Variants in SEM1 observed in about 807,000 individuals in gnomAD.
SEM1 encodes the protein SEM1 26S proteasome subunit.
Under a neutral mutation model 12.7 loss-of-function variants are expected in SEM1, and 3 were observed. That is an observed-to-expected ratio of 0.24 (90% CI 0.11 to 0.61). The LOEUF is 0.61. Among genes scored for constraint, SEM1 ranks in the 20% least tolerant of loss-of-function variants. SEM1 has a pLI of 0.88. For missense variants in SEM1, 59 were observed against 81.3 expected, an observed-to-expected ratio of 0.73 and a Z score of 1.06; for synonymous variants, 30 against 27.8, an observed-to-expected ratio of 1.08 and a Z score of -0.25.
intron 2 of SEM1, among the ~76,000 whole-genome samples, chr7:96,652,886 C>T (rs187249673): frequency 1.9e-4 from 29 of 152,226 alleles, no homozygotes; most frequent in Admixed American, 3.9e-4. Flanking sequence ...TTTGACAGAA[C>T]CATTAATGTT....
chr7:96,556,126 G>C (rs1805488726), intron 2 of SEM1, among the ~76,000 whole-genome samples: 1 of 151,998 alleles, frequency 6.6e-6, no homozygotes, highest in Admixed American at 6.5e-5. Flanking sequence ...CACACTGATG[G>C]GTCTTGACTC....
At chr7:96,526,724 C>G (rs1584738096) in intron 2 of SEM1, among the ~76,000 whole-genome samples, 1 of 152,054 alleles carries the variant, frequency 6.6e-6, no homozygotes, top group African/African-American at 2.4e-5. Flanking sequence ...CTCCCCCAAG[C>G]CCTCCCCTCT....
At chr7:96,693,025 A>T (rs998607867) in intron 2 of SEM1, among the ~76,000 whole-genome samples, 1 of 152,040 alleles carries the variant, frequency 6.6e-6, no homozygotes, top group Non-Finnish European at 1.5e-5. Context: ...TATTTCTAAA[A>T]ATGAGAAAAA....
At chr7:96,570,001 C>A (rs1333364778) in intron 2 of SEM1, among the ~76,000 whole-genome samples, 1 of 151,878 alleles carries the variant, frequency 6.6e-6, no homozygotes, top group Non-Finnish European at 1.5e-5. Context: ...AGTGCAGGTA[C>A]CTTTTTGATA....
intron 2 of SEM1, among the ~76,000 whole-genome samples, chr7:96,547,337 GC>G (rs1475898302): frequency 6.6e-6 from 1 of 152,132 alleles, no homozygotes; most frequent in Non-Finnish European, 1.5e-5. Context: ...GGGGTTGTAA[GC>G]TTTGATTATG....
chr7:96,565,375 A>G (rs568599150), intron 2 of SEM1, among the ~76,000 whole-genome samples: 4 of 152,044 alleles, frequency 2.6e-5, no homozygotes, highest in African/African-American at 7.2e-5. Flanking sequence ...GTATTGCACT[A>G]TAAGTTGTAA....
At chr7:96,634,679 A>G (rs1035273720) in intron 2 of SEM1, among the ~76,000 whole-genome samples, 1 of 151,492 alleles carries the variant, frequency 6.6e-6, no homozygotes, top group Admixed American at 6.6e-5. Flanking sequence ...GTGACATTTA[A>G]TCTGATAAGT....
At chr7:96,495,401 T>C (rs1205478440) in intron 1 of SEM1, among the ~76,000 whole-genome samples, 2 of 152,220 alleles carry the variant, frequency 1.3e-5, no homozygotes, top group Non-Finnish European at 2.9e-5. Context: ...GATACTCTTC[T>C]AATTCCTGTT....
At chr7:96,633,717 T>A (rs909615424) in intron 2 of SEM1, among the ~76,000 whole-genome samples, 2 of 152,100 alleles carry the variant, frequency 1.3e-5, no homozygotes, top group Admixed American at 1.3e-4. Context: ...CTAGAGGCAT[T>A]TATATAAAAG....
At chr7:96,651,416 A>T (rs1438645534) in intron 2 of SEM1, among the ~76,000 whole-genome samples, 1 of 133,386 alleles carries the variant, frequency 7.5e-6, no homozygotes, top group Non-Finnish European at 1.6e-5. Flanking sequence ...CGTTAGGTAG[A>T]CTCAAGAAAA....
At chr7:96,599,493 A>G (rs2116181807) in intron 2 of SEM1, among the ~76,000 whole-genome samples, 2 of 152,218 alleles carry the variant, frequency 1.3e-5, no homozygotes, top group Middle Eastern at 3.4e-3. Context: ...ATACCTAACA[A>G]ATATTTGCTG....
At chr7:96,579,628 G>A (rs556082634) in intron 2 of SEM1, among the ~76,000 whole-genome samples, 46 of 152,238 alleles carry the variant, frequency 3.0e-4, no homozygotes, top group African/African-American at 1.1e-3. Flanking sequence ...GAAAATTGAA[G>A]TATAATTACT....
At chr7:96,661,380 A>G (rs923510317) in intron 2 of SEM1, among the ~76,000 whole-genome samples, 2 of 152,212 alleles carry the variant, frequency 1.3e-5, no homozygotes, top group African/African-American at 4.8e-5. Flanking sequence ...AATTCAGTGC[A>G]ATTTCAATCA....
intron 2 of SEM1, among the ~76,000 whole-genome samples, chr7:96,581,611 T>G (rs1318463207): frequency 6.6e-6 from 1 of 152,220 alleles, no homozygotes; most frequent in African/African-American, 2.4e-5. Context: ...GAGCATGGAA[T>G]GTTCTTCCAT....
chr7:96,561,942 T>G (rs1347539512), intron 2 of SEM1, among the ~76,000 whole-genome samples: 1 of 152,196 alleles, frequency 6.6e-6, no homozygotes, highest in Admixed American at 6.5e-5. Context: ...TATTATGCAC[T>G]AAAAGGGATA....
intron 2 of SEM1, among the ~76,000 whole-genome samples, chr7:96,598,134 G>A (rs560392024): frequency 1.3e-3 from 201 of 152,184 alleles, no homozygotes; most frequent in African/African-American, 4.7e-3. Flanking sequence ...AAAATATGCT[G>A]AGCCAAACTA....
At position 96,629,365 on chromosome 7, in the gene SEM1, AT is replaced by A. The variant is rs373092795; in HGVS notation, c.171-6723del. 4.7e-4 allele frequency among the ~76,000 whole-genome samples: 71 copies of A among 151,554 alleles called. 1 individual carries two copies. Among genetic ancestry groups the A allele is most frequent in the African/African-American group, 1.6e-3 (67 of 41,326 alleles). ...TTGTGGTTGTTTCCTCTAACTTTGT[AT>A]TTTCAAATACTCTATCTTCAAGCTC... On this transcript the variant is annotated intron_variant, in intron 2 of 2. Coordinates refer to the SEM1 transcript ENST00000417009.
intron 2 of SEM1, among the ~76,000 whole-genome samples, chr7:96,558,809 A>G (rs927987094): frequency 2.0e-5 from 3 of 152,226 alleles, no homozygotes; most frequent in African/African-American, 7.2e-5. Flanking sequence ...AATGAAAAAC[A>G]TTTCATCAGG....
At chr7:96,520,915 T>A (rs1373031974) in intron 2 of SEM1, among the ~76,000 whole-genome samples, 3 of 152,032 alleles carry the variant, frequency 2.0e-5, no homozygotes, top group Non-Finnish European at 4.4e-5. Flanking sequence ...CTTGCTTTTC[T>A]CCTCCATGGC....
Sources: gnomAD v4.1 joint callset for allele counts (sites outside exome capture counted in the v4.1 genomes callset) on GRCh38, gnomAD v4.1.1 for gene constraint, MANE v1.5 for transcripts, NCBI Gene and HGNC (gene_info 2026-07-23, HGNC 2026-07-21) for gene names.